Variants in LLGL2 observed in about 807,000 individuals in gnomAD.
The protein encoded by LLGL2 is LLGL scribble cell polarity complex component 2.
In LLGL2, 81 loss-of-function variants were observed where a neutral mutation model predicts 123.2. That is an observed-to-expected ratio of 0.66 (90% CI 0.55 to 0.79). LLGL2 has a LOEUF of 0.79. Ranked by LOEUF, LLGL2 falls within the 30% of genes least tolerant of loss-of-function variation. LLGL2 has a pLI of 0.00. For missense variants in LLGL2, 1,273 were observed against 1,414.6 expected (o/e 0.90, Z 1.61); for synonymous variants, 577 against 594.1 (o/e 0.97, Z 0.42).
chr17:75,562,917 G>C (rs983747736), intron 6 of LLGL2, 99 bp from the exon 7 acceptor site: 25 of 1,421,376 alleles, frequency 1.8e-5, no homozygotes, highest in Middle Eastern at 2.3e-4. Flanking sequence ...GGCACATGGA[G>C]CAGCCACCTC....
At chr17:75,563,692 G>T in intron 8 of LLGL2, 60 bp from the exon 9 acceptor site, 1 of 1,584,632 alleles carries the variant, frequency 6.3e-7, no homozygotes. Context: ...CTGTGCCTGT[G>T]GGGACTGACA....
chr17:75,536,286 C>T (rs562549152), intron 1 of LLGL2, among the ~76,000 whole-genome samples: 1 of 152,268 alleles, frequency 6.6e-6, no homozygotes, highest in East Asian at 1.9e-4. Context: ...CCTGTGGGCT[C>T]CTGAACTTGT....
chr17:75,567,971 A>G, intron 10 of LLGL2: 1 of 723,802 alleles, frequency 1.4e-6, no homozygotes, highest in Non-Finnish European at 1.7e-6. Flanking sequence ...AAAAAGACAA[A>G]TGGTTTAATC....
chr17:75,568,263 G>T (rs1244554958), intron 10 of LLGL2: 1 of 1,427,266 alleles, frequency 7.0e-7, no homozygotes, highest in Non-Finnish European at 9.1e-7. Context: ...CAGGAGCCCT[G>T]TGCCAGGGAG....
intron 2 of LLGL2, among the ~76,000 whole-genome samples, chr17:75,554,035 C>T (rs747849122): frequency 1.3e-5 from 2 of 152,166 alleles, no homozygotes; most frequent in Non-Finnish European, 2.9e-5. Context: ...GGTATGATGG[C>T]TCACACCTGT....
At chr17:75,568,437 C>T (rs1189438363) in intron 10 of LLGL2, 39 bp from the exon 11 acceptor site, 2 of 1,597,944 alleles carry the variant, frequency 1.3e-6, no homozygotes, top group African/African-American at 1.3e-5. Context: ...GGGCTGCTTC[C>T]TCCTGGCCCC....
At position 75,566,389 on chromosome 17, in the gene LLGL2, C is replaced by T. The variant is rs1000205272; in HGVS notation, c.1036+1882C>T. 1.3e-5 allele frequency among the ~76,000 whole-genome samples: 2 copies of T among 152,210 alleles called. 1 individual carries two copies. Among genetic ancestry groups the T allele is most frequent in the Non-Finnish European group, 2.9e-5 (2 of 68,036 alleles). ...CAGTGAGAGTCGAGGGAGAGGTGAC[C>T]TCAGCTTGGGCTGCGGTGCAGGCCA... On this transcript the variant is annotated intron_variant, in intron 10 of 25. Transcript: ENST00000392550.
chr17:75,525,594 C>T (rs1026031019), upstream of LLGL2: 1 of 150,592 alleles, frequency 6.6e-6, no homozygotes, highest in Non-Finnish European at 1.5e-5. This position sits in a 1 kb window ranked among gnomAD's most constrained non-coding sequence, Gnocchi z 4.8. Context: ...GAGGGTGCCC[C>T]CGCCCCTGCG....
chr17:75,547,053 A>G (rs935695588), intron 2 of LLGL2, among the ~76,000 whole-genome samples: 1 of 152,200 alleles, frequency 6.6e-6, no homozygotes. Context: ...GCTCGACCCC[A>G]GGTGGCTTGT....
In LLGL2 at chr17:75,569,008, T is replaced by A. The variant is rs1568069846; in HGVS notation, c.1353T>A (p.Asp451Glu). Residue 451 changes from aspartate to glutamate, a missense_variant, in exon 13 of 26, where the codon GAT (aspartate) becomes GAA (glutamate). Asp to Glu is a conservative substitution (Grantham distance 45, BLOSUM62 2). Coordinates refer to ENST00000392550, the MANE Select transcript of LLGL2 (RefSeq NM_001031803.2). ...AGGACGGCACGGTGCGGTTCTGGGA[T>A]GCCTCGGGTGTCTGCCTGCGGCTGC... ...GHEDGTVRFW[D>E]ASGVCLRLLY... is the part of the protein sequence containing the mutation. The A allele has an allele frequency of 1.2e-6, 2 of 1,613,344 alleles. No homozygotes were observed. Among genetic ancestry groups the A allele is most frequent in the Non-Finnish European group, 1.7e-6 (2 of 1,179,850 alleles).
intron 8 of LLGL2, 55 bp downstream of exon 8, chr17:75,563,518 T>G: frequency 6.2e-7 from 1 of 1,600,852 alleles, no homozygotes; most frequent in Non-Finnish European, 8.5e-7. Context: ...TGGATTCAGG[T>G]GCAGGTTGCT....
At position 75,555,307 on chromosome 17, in the gene LLGL2, TG is replaced by T. The variant is rs1242337313; in HGVS notation, c.76-738del. ...TTTTTGTTCTTTTTTTTTTTTTTTT[TG>T]AGACGGAGTCTCGCTCTGTCGCCCA... On this transcript the variant is annotated intron_variant, in intron 2 of 25. Transcript: ENST00000392550. 4.2e-3 allele frequency among the ~76,000 whole-genome samples: 434 copies of T among 102,722 alleles called. 3 individuals carry two copies. Among genetic ancestry groups the T allele is most frequent in the African/African-American group, 0.013 (391 of 30,380 alleles). 67.4% of individuals were successfully genotyped at this position (102,722 alleles called of 152,430 possible).
At chr17:75,557,171 A>G (rs1598588982) in intron 3 of LLGL2, among the ~76,000 whole-genome samples, 1 of 149,880 alleles carries the variant, frequency 6.7e-6, no homozygotes, top group Admixed American at 6.7e-5. Flanking sequence ...GAGTCACTGC[A>G]CTCCCAGCCT....
chr17:75,574,148 G>GGA (rs1330023523), intron 22 of LLGL2, 65 bp from the exon 23 acceptor site: 1 of 1,524,442 alleles, frequency 6.6e-7, no homozygotes, highest in Non-Finnish European at 8.8e-7. Context: ...ACCTCAGTAA[G>GGA]GAGAGAGAGA....
chr17:75,533,307 T>G (rs1372785854), intron 1 of LLGL2, among the ~76,000 whole-genome samples: 7 of 119,486 alleles, frequency 5.9e-5, no homozygotes, highest in Admixed American at 3.3e-4. Flanking sequence ...CCCTTTTTTT[T>G]TTTTTTTTTT....
chr17:75,558,568 C>T lies in LLGL2; in HGVS notation c.312C>T (p.Val104=). Residue 104 remains valine (V), a synonymous_variant, in exon 5 of 26, where the codon GTC becomes GTT. Coordinates refer to ENST00000392550, the MANE Select transcript of LLGL2 (RefSeq NM_001031803.2). The surrounding 1 kb of genome is among the most constrained non-coding windows in gnomAD (Gnocchi z 4.0). ...GCCTGCACCTTTGGAGCCTGAAGGTCAAGGGCGGGGCATCGGAGCTGCAGG... is the reference window on the plus strand; with the variant it reads ...GCCTGCACCTTTGGAGCCTGAAGGTTAAGGGCGGGGCATCGGAGCTGCAGG... ...DNSLHLWSLK[V]KGGASELQED... 1 of 1,611,716 alleles carries T rather than the reference C, an allele frequency of 6.2e-7. No individual in the cohort carries two copies. The highest frequency in any genetic ancestry group is 1.7e-5 in the Admixed American group (1 of 59,784).
chr17:75,560,814 A>T (rs796990387), intron 6 of LLGL2, among the ~76,000 whole-genome samples: 31,560 of 124,692 alleles, frequency 0.25, 4,220 homozygotes, highest in African/African-American at 0.38. Flanking sequence ...AAAAAAAAAA[A>T]AAAAAAAAAA....
rs572136195 is a variant in LLGL2 at position 75,544,473 on chromosome 17, T to A, written c.75+972T>A. On this transcript the variant is annotated intron_variant, in intron 2 of 25. Coordinates refer to ENST00000392550, the MANE Select transcript of LLGL2 (RefSeq NM_001031803.2). The surrounding 1 kb of genome is among the most constrained non-coding windows in gnomAD (Gnocchi z 4.2). ...GGAAGTCTCTTTGGTTGTATTTTTG[T>A]TATTGATTTGAGAACTGTAGAAGTC... Among the ~76,000 whole-genome samples the A allele has an allele frequency of 7.1e-4, 108 of 152,328 alleles. No homozygotes were observed. Among genetic ancestry groups the A allele is most frequent in the Non-Finnish European group, 1.3e-3 (91 of 68,032 alleles).
chr17:75,530,542 C>T (rs746716138), intron 1 of LLGL2, among the ~76,000 whole-genome samples: 3 of 150,590 alleles, frequency 2.0e-5, no homozygotes, highest in Non-Finnish European at 4.4e-5. Flanking sequence ...CCCAGCTGCT[C>T]GGGAGGCTGA....
Sources: allele counts gnomAD v4.1 joint callset (sites outside exome capture counted in the v4.1 genomes callset), GRCh38; gene constraint gnomAD v4.1.1; non-coding constraint Gnocchi (gnomAD v3.1); transcripts MANE v1.5; gene names NCBI Gene and HGNC (gene_info 2026-07-23, HGNC 2026-07-21).